TMEM132C: variants seen among roughly 807,000 people sequenced by gnomAD.
TMEM132C encodes protein phosphatase 1, regulatory subunit 152.
Under a neutral mutation model 61.4 loss-of-function variants are expected in TMEM132C, and 29 were observed. That is an observed-to-expected ratio of 0.47 (90% CI 0.35 to 0.64). The LOEUF is 0.64. Among genes scored for constraint, TMEM132C ranks in the 30% least tolerant of loss-of-function variants. The pLI is 0.00. For synonymous variants in TMEM132C, 656 were observed against 633.1 expected, an observed-to-expected ratio of 1.04 and a Z score of -0.54; for missense variants, 1,408 against 1,476.9, an observed-to-expected ratio of 0.95 and a Z score of 0.76.
At chr12:128,468,575 T>C (rs1365363874) in intron 2 of TMEM132C, among the ~76,000 whole-genome samples, 2 of 152,052 alleles carry the variant, frequency 1.3e-5, no homozygotes, top group East Asian at 1.9e-4. Context: ...CGCCTCGGCC[T>C]CCCAAAGTGC....
chr12:128,506,515 G>A (rs1049863945), intron 2 of TMEM132C, among the ~76,000 whole-genome samples: 1 of 152,158 alleles, frequency 6.6e-6, no homozygotes, highest in East Asian at 1.9e-4. Context: ...GCTCTGGTGG[G>A]AGCTATTTGA....
At chr12:128,389,556 C>A (rs4882754) in intron 1 of TMEM132C, among the ~76,000 whole-genome samples, 44,852 of 152,036 alleles carry the variant, frequency 0.3, 7,148 homozygotes, top group East Asian at 0.5. Context: ...TTCACAGCCA[C>A]CCAGAACAGA....
intron 4 of TMEM132C, among the ~76,000 whole-genome samples, chr12:128,646,870 A>C (rs1954204963): frequency 7.4e-6 from 1 of 134,840 alleles, no homozygotes; most frequent in Non-Finnish European, 1.6e-5. Flanking sequence ...GCATTGGATG[A>C]ATGTGTTTAC....
chr12:128,461,837 ACTCCATT>A (rs1271875983), intron 2 of TMEM132C, among the ~76,000 whole-genome samples: 1 of 151,962 alleles, frequency 6.6e-6, no homozygotes, highest in East Asian at 1.9e-4. Flanking sequence ...ACCTTCCAGA[ACTCCATT>A]CTCCAGGGGT....
intron 4 of TMEM132C, among the ~76,000 whole-genome samples, chr12:128,628,310 G>T (rs143921164): frequency 2.6e-4 from 40 of 152,108 alleles, no homozygotes; most frequent in African/African-American, 8.2e-4. Context: ...GGTCCACGGC[G>T]GCACGCTGAG....
At chr12:128,310,461 C>T (rs1871930937) in intron 1 of TMEM132C, among the ~76,000 whole-genome samples, 1 of 152,042 alleles carries the variant, frequency 6.6e-6, no homozygotes, top group African/African-American at 2.4e-5. Flanking sequence ...ATGGAGCTTC[C>T]AATCGTGGCA....
chr12:128,288,957 A>C (rs189984536), intron 1 of TMEM132C: 2 of 152,150 alleles, frequency 1.3e-5, no homozygotes, highest in African/African-American at 4.8e-5. Context: ...ACCGCCCCCC[A>C]CACAGTCACA....
At chr12:128,351,082 A>T (rs1033425158) in intron 1 of TMEM132C, among the ~76,000 whole-genome samples, 1 of 152,172 alleles carries the variant, frequency 6.6e-6, no homozygotes, top group Non-Finnish European at 1.5e-5. Context: ...CTGCTCTCTT[A>T]TTTAAGCCTG....
At chr12:128,506,256 C>G (rs545580315) in intron 2 of TMEM132C, among the ~76,000 whole-genome samples, 2 of 152,336 alleles carry the variant, frequency 1.3e-5, no homozygotes, top group South Asian at 4.1e-4. Flanking sequence ...TCAGCATCAT[C>G]TGCATTACAT....
At chr12:128,435,381 G>T (rs1050987857) in intron 2 of TMEM132C, among the ~76,000 whole-genome samples, 3 of 152,176 alleles carry the variant, frequency 2.0e-5, no homozygotes, top group Non-Finnish European at 4.4e-5. Context: ...CAGATGACAT[G>T]ATTGGATATT....
intron 5 of TMEM132C, among the ~76,000 whole-genome samples, chr12:128,678,959 T>G (rs1180477990): frequency 6.6e-6 from 1 of 152,230 alleles, no homozygotes; most frequent in Non-Finnish European, 1.5e-5. Context: ...TCAGACAGAC[T>G]CCTGTTATGT....
At chr12:128,529,151 A>G (rs1331016147) in intron 2 of TMEM132C, among the ~76,000 whole-genome samples, 1 of 151,398 alleles carries the variant, frequency 6.6e-6, no homozygotes, top group African/African-American at 2.4e-5. Context: ...TTAATATTTT[A>G]TTATTAATTA....
intron 2 of TMEM132C, among the ~76,000 whole-genome samples, chr12:128,452,114 G>A (rs948501083): frequency 3.3e-5 from 5 of 151,894 alleles, no homozygotes; most frequent in Non-Finnish European, 4.4e-5. Flanking sequence ...TTTTGATACA[G>A]GGTCTCTCTC....
intron 2 of TMEM132C, among the ~76,000 whole-genome samples, chr12:128,525,954 T>A (rs1371987187): frequency 6.6e-6 from 1 of 152,196 alleles, no homozygotes; most frequent in African/African-American, 2.4e-5. Context: ...TGGCACGACC[T>A]CCACGGGCTA....
At chr12:128,305,747 A>G (rs968244118) in intron 1 of TMEM132C, among the ~76,000 whole-genome samples, 12 of 152,212 alleles carry the variant, frequency 7.9e-5, no homozygotes, top group Admixed American at 3.9e-4. Context: ...CCCTGAATCT[A>G]TTGGTATTTT....
intron 5 of TMEM132C, among the ~76,000 whole-genome samples, chr12:128,670,169 G>C (rs1236872779): frequency 6.6e-6 from 1 of 152,074 alleles, no homozygotes; most frequent in Non-Finnish European, 1.5e-5. Context: ...AATTAGCTGG[G>C]TGTGATGGTG....
chr12:128,386,850 A>G (rs772935355), intron 1 of TMEM132C, among the ~76,000 whole-genome samples: 1 of 152,152 alleles, frequency 6.6e-6, no homozygotes, highest in East Asian at 1.9e-4. Context: ...GGAAATGGGA[A>G]CAGTGTGGTG....
chr12:128,500,201 A>G (rs915739543), intron 2 of TMEM132C, among the ~76,000 whole-genome samples: 1 of 152,238 alleles, frequency 6.6e-6, no homozygotes, highest in African/African-American at 2.4e-5. Context: ...ATCCACAAAA[A>G]TTAATGCAAA....
chr12:128,268,840 TC>T lies in TMEM132C; in HGVS notation c.85+1355del, dbSNP rs543830236. Among the ~76,000 whole-genome samples the T allele has an allele frequency of 4.6e-4, 67 of 144,556 alleles. 1 individual carries two copies. The East Asian group carries it at 0.014, about 30-fold the overall frequency. The allele number at this position is 144,556 out of a possible 152,430, so 94.8% of individuals were successfully genotyped here. On this transcript the variant is annotated intron_variant, in intron 1 of 8. Coordinates refer to ENST00000435159, the MANE Select transcript of TMEM132C (RefSeq NM_001136103.3). Reference sequence around the variant, plus strand: ...AGTTTGCTATGTTTTATATAAGTGTTCCTTTCTTCCAAGAGCTCCAGGTAGG... The same window carrying T: ...AGTTTGCTATGTTTTATATAAGTGTTCTTTCTTCCAAGAGCTCCAGGTAGG...
Sources: allele counts gnomAD v4.1 joint callset (sites outside exome capture counted in the v4.1 genomes callset), GRCh38; gene constraint gnomAD v4.1.1; transcripts MANE v1.5; gene names NCBI Gene and HGNC (gene_info 2026-07-23, HGNC 2026-07-21).